The following PHF14 variants were observed in gnomAD, a reference collection of about 807,000 sequenced individuals.
PHF14 encodes PHD finger protein 14.
A neutral mutation model predicts 117.9 loss-of-function variants in PHF14; 55 were observed. The ratio of observed to expected loss-of-function variants is 0.47; its 90% CI spans 0.38 to 0.58. The LOEUF is 0.58. Among genes scored for constraint, PHF14 ranks in the 20% least tolerant of loss-of-function variants. PHF14 has a pLI of 0.00. For missense variants in PHF14, 978 were observed against 1,122.2 expected (o/e 0.87, Z 1.84); for synonymous variants, 409 against 368.6 (o/e 1.11, Z -1.26).
At chr7:11,149,819 T>TA (rs398003658) in intron 17 of PHF14, among the ~76,000 whole-genome samples, 2 of 151,452 alleles carry the variant, frequency 1.3e-5, no homozygotes, top group African/African-American at 2.4e-5. Context: ...GATTTTTTTT[T>TA]ATATTTCTAA....
chr7:10,984,491 A>C (rs775468400), intron 3 of PHF14, among the ~76,000 whole-genome samples: 3 of 152,198 alleles, frequency 2.0e-5, no homozygotes. Flanking sequence ...TTAAACAGGC[A>C]TGGAAAAATC....
chr7:11,115,220 C>T (rs563189709), intron 17 of PHF14, among the ~76,000 whole-genome samples: 1 of 152,080 alleles, frequency 6.6e-6, no homozygotes, highest in African/African-American at 2.4e-5. Context: ...TGCCTCACTT[C>T]TTCTCATTCT....
At chr7:11,075,500 A>G (rs1179567224) in intron 16 of PHF14, among the ~76,000 whole-genome samples, 1 of 151,796 alleles carries the variant, frequency 6.6e-6, no homozygotes, top group Non-Finnish European at 1.5e-5. Flanking sequence ...AGGAAGCATC[A>G]GATTCTTAAC....
At chr7:11,051,528 C>G in intron 13 of PHF14, 84 bp from the exon 14 acceptor site, 1 of 1,081,134 alleles carries the variant, frequency 9.2e-7, no homozygotes, top group Non-Finnish European at 1.3e-6. Flanking sequence ...TTCTTATATA[C>G]CTGGATTTTG....
intron 4 of PHF14, among the ~76,000 whole-genome samples, chr7:11,009,948 A>G (rs1489227699): frequency 6.6e-6 from 1 of 152,202 alleles, no homozygotes; most frequent in Non-Finnish European, 1.5e-5. Context: ...ATGTGTGTGG[A>G]ATATTCTTTA....
At chr7:11,059,879 T>C (rs542287915) in intron 14 of PHF14, among the ~76,000 whole-genome samples, 1 of 152,324 alleles carries the variant, frequency 6.6e-6, no homozygotes, top group South Asian at 2.1e-4. Context: ...TATTTTATTT[T>C]ATTTTTTTGA....
At chr7:11,033,875 A>G (rs188969687) in intron 7 of PHF14, among the ~76,000 whole-genome samples, 66 of 152,272 alleles carry the variant, frequency 4.3e-4, no homozygotes, top group Middle Eastern at 3.4e-3. Context: ...AGCTGTTTGT[A>G]TGTGTTAATG....
chr7:11,020,464 C>T (rs1230337988), intron 5 of PHF14, among the ~76,000 whole-genome samples: 5 of 151,874 alleles, frequency 3.3e-5, no homozygotes, highest in Admixed American at 2.0e-4. Flanking sequence ...TGTAAACCCC[C>T]GCCTCCTAGG....
intron 6 of PHF14, among the ~76,000 whole-genome samples, chr7:11,026,635 T>G (rs1783920113): frequency 6.6e-6 from 1 of 152,198 alleles, no homozygotes; most frequent in Admixed American, 6.5e-5. Context: ...TACAGCTGTG[T>G]TGTTTTTCTG....
intron 15 of PHF14, 49 bp from the exon 16 acceptor site, chr7:11,061,915 A>G (rs368647375): frequency 1.1e-5 from 17 of 1,535,256 alleles, no homozygotes; most frequent in Non-Finnish European, 1.4e-5. Flanking sequence ...TTTCCCTCAT[A>G]TCCTTATTTT....
At chr7:11,111,744 C>T (rs564023499) in intron 17 of PHF14, among the ~76,000 whole-genome samples, 1 of 152,124 alleles carries the variant, frequency 6.6e-6, no homozygotes, top group South Asian at 2.1e-4. Flanking sequence ...AAAGCCCAAA[C>T]AGATCACTCT....
At chr7:11,107,655 C>T (rs1787316509) in intron 16 of PHF14, 1 of 664,260 alleles carries the variant, frequency 1.5e-6, no homozygotes, top group Non-Finnish European at 1.9e-6. Context: ...AAGACATTGC[C>T]TTCCTATTTA....
intron 3 of PHF14, 55 bp from the exon 4 acceptor site, chr7:10,990,647 GT>G (rs58175304): frequency 0.047 from 47,182 of 995,870 alleles, 2,068 homozygotes; most frequent in African/African-American, 0.21. Context: ...TAGTGATTAA[GT>G]TTTTTTTTTA....
At chr7:11,167,848 T>A (rs537961187) in intron 17 of PHF14, among the ~76,000 whole-genome samples, 2 of 152,066 alleles carry the variant, frequency 1.3e-5, no homozygotes, top group Admixed American at 1.3e-4. Context: ...GCTAACACGG[T>A]GAAACCCCGT....
At chr7:11,095,772 G>A (rs1786826923) in intron 16 of PHF14, among the ~76,000 whole-genome samples, 1 of 152,098 alleles carries the variant, frequency 6.6e-6, no homozygotes, top group African/African-American at 2.4e-5. Flanking sequence ...ATCCCTGCAT[G>A]ATGTAAGTAT....
chr7:11,076,525 A>AT (rs1785855947), intron 16 of PHF14, among the ~76,000 whole-genome samples: 1 of 148,448 alleles, frequency 6.7e-6, no homozygotes, highest in Admixed American at 6.7e-5. Context: ...TGGGAACTGA[A>AT]TCTTCTTTAG....
chr7:11,013,637 G>C lies in PHF14; in HGVS notation c.1046-110G>C, dbSNP rs183269306. ...TTTAATACGTTTCTTATAAACCATT[G>C]GTGTTTCATATCTTTTTCCTCATCT... On this transcript the variant is annotated intron_variant, in intron 4 of 17. Coordinates refer to ENST00000634607, the MANE Select transcript of PHF14 (RefSeq NM_001007157.2). 6 of 560,598 alleles carry C rather than the reference G, an allele frequency of 1.1e-5. No homozygotes were observed. In the South Asian group the frequency reaches 1.2e-4, roughly 11 times the overall value. The allele number at this position is 560,598 out of a possible 1,614,324, so 34.7% of individuals were successfully genotyped here. A position where few individuals can be genotyped will look rare whatever the true frequency, so the allele number is the denominator to read the frequency against.
At chr7:11,017,986 G>A (rs1051282896) in intron 5 of PHF14, among the ~76,000 whole-genome samples, 3 of 152,062 alleles carry the variant, frequency 2.0e-5, no homozygotes, top group African/African-American at 7.2e-5. Context: ...ATATGGATAT[G>A]CAGTTTTTCC....
intron 16 of PHF14, among the ~76,000 whole-genome samples, chr7:11,073,647 G>A (rs1425107665): frequency 6.6e-6 from 1 of 152,202 alleles, no homozygotes. Flanking sequence ...GCTCCACCAG[G>A]TAGTTCCCTG....
Sources: allele counts gnomAD v4.1 joint callset (sites outside exome capture counted in the v4.1 genomes callset), GRCh38; gene constraint gnomAD v4.1.1; transcripts MANE v1.5; gene names NCBI Gene and HGNC (gene_info 2026-07-23, HGNC 2026-07-21).